Variants in OSR1 observed in about 807,000 individuals in gnomAD.
The protein encoded by OSR1 is odd-skipped related transcription factor 1.
In OSR1, 3 loss-of-function variants were observed where a neutral mutation model predicts 15.7. That is an observed-to-expected ratio of 0.19 (90% CI 0.09 to 0.50). OSR1 has a LOEUF of 0.50. Among genes scored for constraint, OSR1 ranks in the 20% least tolerant of loss-of-function variants. The pLI, the probability that OSR1 is intolerant of heterozygous loss-of-function variation, is 0.97. For missense variants in OSR1, 271 were observed against 351.1 expected (o/e 0.77, Z 1.82); for synonymous variants, 166 against 152.7 (o/e 1.09, Z -0.64).
chr2:19,352,093 C>G lies in OSR1; in HGVS notation c.*182G>C. 1 of 577,756 alleles carries G rather than the reference C, an allele frequency of 1.7e-6. No homozygotes were observed. 35.8% of individuals were successfully genotyped at this position (577,756 alleles called of 1,614,324 possible). On this transcript the variant is annotated 3_prime_UTR_variant, in exon 3 of 3. Transcript: ENST00000272223. ...GTCCTAGGGGAGCAGCAGGGACGGT[C>G]GGGGTCGCGGCCCCGGGCGGGGCTC...
the OSR1 span, among the ~76,000 whole-genome samples, chr2:19,345,321 G>A: frequency 6.2e-4 from 95 of 152,022 alleles, no homozygotes; most frequent in African/African-American, 2.3e-3. Context: ...GATTCCATTT[G>A]TCAATTTTGG....
chr2:19,346,853 T>A (rs1195718023), downstream of OSR1: 1 of 152,236 alleles, frequency 6.6e-6, no homozygotes, highest in Admixed American at 6.5e-5. Flanking sequence ...ATCTTTGCAG[T>A]CACACTTGCC....
downstream of OSR1, among the ~76,000 whole-genome samples, chr2:19,351,014 G>A (rs1048860781): frequency 6.6e-6 from 1 of 152,166 alleles, no homozygotes; most frequent in Admixed American, 6.5e-5. Flanking sequence ...AAATATTACA[G>A]CTCTGAGGCT....
At chr2:19,348,435 C>T (rs1384917208), downstream of OSR1, 1 of 154,288 alleles carries the variant, frequency 6.5e-6, no homozygotes, top group Non-Finnish European at 1.5e-5. Context: ...TGTGTTCCAG[C>T]CCGAGGCCTC....
intron 1 of OSR1, chr2:19,354,688 G>C (rs999587077): frequency 1.3e-5 from 2 of 152,244 alleles, no homozygotes; most frequent in African/African-American, 4.8e-5. Flanking sequence ...AGCCCTCGGG[G>C]ACCACTTTGC....
downstream of OSR1, among the ~76,000 whole-genome samples, chr2:19,349,121 G>A (rs1664789851): frequency 6.6e-6 from 1 of 152,172 alleles, no homozygotes; most frequent in Non-Finnish European, 1.5e-5. Flanking sequence ...GAAAAATTGG[G>A]GCAGGCAAGG....
At chr2:19,348,038 T>A (rs556628546), downstream of OSR1, among the ~76,000 whole-genome samples, 3 of 152,348 alleles carry the variant, frequency 2.0e-5, no homozygotes, top group African/African-American at 7.2e-5. Context: ...TGCGAGTTCC[T>A]TTTGCGCCTG....
rs973387784 is a variant in OSR1, at chr2:19,358,394, G to C, written c.-86C>G. On this transcript the variant is annotated 5_prime_UTR_variant, in exon 1 of 3. Coordinates refer to ENST00000272223, the MANE Select transcript of OSR1 (RefSeq NM_145260.3). ...CACGTCTCTGGGGCTTTAGCTGAAG[G>C]GGACTGGGGAAGCCGGAGGCCCTGG... The C allele has an allele frequency of 6.6e-6, 1 of 152,516 alleles. No homozygotes were observed. Among genetic ancestry groups the C allele is most frequent in the Non-Finnish European group, 1.5e-5 (1 of 68,182 alleles). The allele number at this position is 152,516 out of a possible 1,614,324, so 9.4% of individuals were successfully genotyped here. A position where few individuals can be genotyped will look rare whatever the true frequency, so the allele number is the denominator to read the frequency against.
rs751445144 is a variant in OSR1, at chr2:19,351,494, A to C, written c.*781T>G. The C allele has an allele frequency of 2.0e-4, 30 of 147,240 alleles. No homozygotes were observed. Among genetic ancestry groups the C allele is most frequent in the Non-Finnish European group, 3.9e-4 (26 of 67,076 alleles). The allele number at this position is 147,240 out of a possible 1,614,324, so 9.1% of individuals were successfully genotyped here. ...ATTACCCATCCTGCAATGCCTGTAA[A>C]ATAACCGTTTATTTAATAGTTAAAA... On this transcript the variant is annotated 3_prime_UTR_variant, in exon 3 of 3. Coordinates refer to ENST00000272223, the MANE Select transcript of OSR1 (RefSeq NM_145260.3).
downstream of OSR1, among the ~76,000 whole-genome samples, chr2:19,347,972 G>C (rs1240475571): frequency 6.6e-6 from 1 of 152,254 alleles, no homozygotes; most frequent in Non-Finnish European, 1.5e-5. Context: ...TGAACTCCGC[G>C]ACGATTTCCA....
Position 19,353,752 on chromosome 2 carries a change from G to A in OSR1, c.54C>T (p.Leu18=). 1 of 1,613,922 alleles carries A rather than the reference G, an allele frequency of 6.2e-7. No individual in the cohort carries two copies. The highest frequency in any genetic ancestry group is 2.2e-5 in the East Asian group (1 of 44,860). Residue 18 remains leucine, a synonymous_variant, in exon 2 of 3, where the codon CTC becomes CTT. Coordinates refer to ENST00000272223, the MANE Select transcript of OSR1 (RefSeq NM_145260.3). ...CTGCCTGAAGGAAGGAGTAGTTGGTGAGCTGCAGGGAAGGGTGGATAGGCA... is the reference window on the plus strand; with the variant it reads ...CTGCCTGAAGGAAGGAGTAGTTGGTAAGCTGCAGGGAAGGGTGGATAGGCA... ...APVPIHPSLQ[L]TNYSFLQAVN...
the OSR1 span, among the ~76,000 whole-genome samples, chr2:19,345,402 G>A: frequency 2.0e-5 from 3 of 151,956 alleles, no homozygotes; most frequent in African/African-American, 7.3e-5. Flanking sequence ...GAATGGTAAT[G>A]CCTAGGTTTT....
rs34404071 is a variant in OSR1 at position 19,352,304 on chromosome 2, C to G, written c.772G>C (p.Glu258Gln). The G allele has an allele frequency of 1.3e-3, 2,124 of 1,614,194 alleles. 2 individuals carry two copies. The highest frequency in any genetic ancestry group is 1.6e-3 in the Non-Finnish European group (1,942 of 1,180,020). ...CATTTGATCTTGGAGGTTTTGAGCT[C>G]CTTCACCTGTGAGTGTAGCGTCTTG... ...VHKTLHSQVK[E>Q]LKTSKIKC Residue 258 changes from glutamate to glutamine, a missense_variant, in exon 3 of 3, where the codon GAG becomes CAG. By Grantham distance (29) the Glu-to-Gln change is conservative. This residue lies in a region of OSR1 where 21 missense variants were observed against 24.3 expected (regional missense o/e 0.86). Transcript: ENST00000272223.
downstream of OSR1, among the ~76,000 whole-genome samples, chr2:19,349,647 GGCC>G (rs1558358074): frequency 2.6e-5 from 4 of 152,200 alleles, no homozygotes; most frequent in Admixed American, 2.6e-4. Context: ...AGCTTCCTGA[GGCC>G]CCGGGAACTG....
downstream of OSR1, among the ~76,000 whole-genome samples, chr2:19,348,764 G>T (rs1664783242): frequency 6.6e-6 from 1 of 152,186 alleles, no homozygotes; most frequent in African/African-American, 2.4e-5. Flanking sequence ...CCAGGAAGAA[G>T]CTCCTGCAAG....
In OSR1 at chr2:19,357,044, G is replaced by C. The variant is rs1572261849; in HGVS notation, c.-33+1297C>G. 1.3e-5 allele frequency: 2 copies of C among 152,116 alleles called. No homozygotes were observed. The highest frequency in any genetic ancestry group is 2.9e-5 in the Non-Finnish European group (2 of 68,028). 9.4% of individuals were successfully genotyped at this position (152,116 alleles called of 1,614,324 possible). A position where few individuals can be genotyped will look rare whatever the true frequency, so the allele number is the denominator to read the frequency against. On this transcript the variant is annotated intron_variant, in intron 1 of 2. Coordinates refer to ENST00000272223, the MANE Select transcript of OSR1 (RefSeq NM_145260.3). This position sits in a 1 kb window ranked among gnomAD's most constrained non-coding sequence, Gnocchi z 5.0. Reference sequence around the variant, plus strand: ...ACAGGCGTCCGGACCCCCGTGAAGAGGACTGACCGGCACCGGATACTTCTA... The same window carrying C: ...ACAGGCGTCCGGACCCCCGTGAAGACGACTGACCGGCACCGGATACTTCTA...
rs777513645 is a variant in OSR1, at chr2:19,352,407, A to G, written c.669T>C (p.Tyr223=). 2 of 1,614,104 alleles carry G rather than the reference A, an allele frequency of 1.2e-6. No homozygotes were observed. The highest frequency in any genetic ancestry group is 4.5e-5 in the East Asian group (2 of 44,882). The change falls in exon 3 of 3, where the codon TAT becomes TAC. Residue 223 remains tyrosine, a synonymous_variant. Transcript: ENST00000272223. The part of the protein sequence containing the change: ...RRQDHLRDHR[Y]IHSKEKPFKC... ...TGAAGGGCTTCTCTTTGGAGTGAAT[A>G]TATCTGAGGGCAGAAACAGAGAGTT...
At chr2:19,350,314 C>T (rs922696432), downstream of OSR1, among the ~76,000 whole-genome samples, 3 of 152,162 alleles carry the variant, frequency 2.0e-5, no homozygotes, top group Non-Finnish European at 2.9e-5. Flanking sequence ...AGCGTGGAGG[C>T]CAGGGCTGGT....
chr2:19,354,433 A>G (rs1664909836), intron 1 of OSR1: 1 of 152,022 alleles, frequency 6.6e-6, no homozygotes, highest in Non-Finnish European at 1.5e-5. Context: ...ACGGGATCAC[A>G]TTGCACCCAT....
Sources: gnomAD v4.1 joint callset for allele counts (sites outside exome capture counted in the v4.1 genomes callset) on GRCh38, gnomAD v4.1.1 for gene constraint, gnomAD v4.1.1 regional missense constraint, Gnocchi (gnomAD v3.1) non-coding constraint, MANE v1.5 for transcripts, NCBI Gene and HGNC (gene_info 2026-07-23, HGNC 2026-07-21) for gene names.